The following SPNS2 variants were observed in gnomAD, a reference collection of about 807,000 sequenced individuals.
SPNS2 encodes the protein sphingosine-1-phosphate transporter SPNS2.
A neutral mutation model predicts 57.6 loss-of-function variants in SPNS2; 37 were observed. The observed-to-expected ratio is 0.64, with a 90% confidence interval of 0.49 to 0.85. The LOEUF is 0.85. Among genes scored for constraint, SPNS2 ranks in the 40% least tolerant of loss-of-function variants. SPNS2 has a pLI of 0.00. For synonymous variants in SPNS2, 440 were observed against 346.9 expected (o/e 1.27, Z -2.98); for missense variants, 831 against 779.1 (o/e 1.07, Z -0.79).
intron 9 of SPNS2, among the ~76,000 whole-genome samples, chr17:4,534,178 G>A (rs570706511): frequency 6.6e-6 from 1 of 152,268 alleles, no homozygotes; most frequent in Non-Finnish European, 1.5e-5. Flanking sequence ...TCCTCCCCCC[G>A]CTGGGTCTGA....
Position 4,530,782 on chromosome 17 carries a change from AG to A in SPNS2, c.725+1del. 1 of 1,612,256 alleles carries A rather than the reference AG, an allele frequency of 6.2e-7. No homozygotes were observed. On this transcript the variant is annotated frameshift_variant and splice_region_variant, in exon 4 of 13. Coordinates refer to ENST00000329078, the MANE Select transcript of SPNS2 (RefSeq NM_001124758.3). LOFTEE classifies it high-confidence loss of function. ...SVFYFAIPLG[S>X]GLGYITGSSV... ...CTTCTACTTCGCCATCCCACTGGGC[AG>A]GTGAGAGCCGGAGATGCCAGGGTCT...
intron 2 of SPNS2, among the ~76,000 whole-genome samples, chr17:4,515,114 A>G (rs1338245141): frequency 1.3e-5 from 2 of 152,102 alleles, no homozygotes; most frequent in Non-Finnish European, 2.9e-5. Flanking sequence ...GCTCGGCTCA[A>G]GGCAGGTGTG....
intron 1 of SPNS2, 128 bp from the exon 2 acceptor site, chr17:4,513,119 C>A (rs907042824): frequency 8.0e-6 from 8 of 1,002,274 alleles, no homozygotes; most frequent in East Asian, 2.5e-5. Flanking sequence ...GGGTAGAGGT[C>A]GCAGCAGAGC....
At chr17:4,520,105 C>T (rs913015007) in intron 2 of SPNS2, among the ~76,000 whole-genome samples, 26 of 152,220 alleles carry the variant, frequency 1.7e-4, no homozygotes, top group African/African-American at 6.3e-4. Flanking sequence ...TCTGTCATCT[C>T]GGGCAACTTC....
At chr17:4,515,431 G>C (rs969335664) in intron 2 of SPNS2, among the ~76,000 whole-genome samples, 18 of 152,166 alleles carry the variant, frequency 1.2e-4, no homozygotes, top group Admixed American at 1.1e-3. Flanking sequence ...GGGGGAGCCT[G>C]GATACCTGGC....
intron 12 of SPNS2, among the ~76,000 whole-genome samples, chr17:4,537,211 C>T (rs12451669): frequency 0.13 from 19,355 of 152,244 alleles, 1,977 homozygotes; most frequent in East Asian, 0.53. Flanking sequence ...CAGGACTGGC[C>T]AGGAACTCCT....
chr17:4,499,025 C>T lies in SPNS2; in HGVS notation c.-23C>T. On this transcript the variant is annotated 5_prime_UTR_variant, in exon 1 of 13. Coordinates refer to ENST00000329078, the MANE Select transcript of SPNS2 (RefSeq NM_001124758.3). The surrounding 1 kb of genome is among the most constrained non-coding windows in gnomAD (Gnocchi z 5.2). ...CTGGGCCCCGCGCCCCCCGCGCCCC[C>T]CGCCGCCCCGATCCGGGCCGGCATG... 4.0e-6 allele frequency: 4 copies of T among 999,620 alleles called. No homozygotes were observed. The highest frequency in any genetic ancestry group is 4.8e-6 in the Non-Finnish European group (4 of 840,788). 61.9% of individuals were successfully genotyped at this position (999,620 alleles called of 1,614,324 possible). A position where few individuals can be genotyped will look rare whatever the true frequency, so the allele number is the denominator to read the frequency against.
chr17:4,518,647 A>G (rs1359805729), intron 2 of SPNS2, among the ~76,000 whole-genome samples: 1 of 152,312 alleles, frequency 6.6e-6, no homozygotes, highest in Non-Finnish European at 1.5e-5. Context: ...TTGTAGGCTC[A>G]CGAGGAAGTG....
At chr17:4,503,915 T>C (rs1398433582) in intron 1 of SPNS2, among the ~76,000 whole-genome samples, 1 of 151,224 alleles carries the variant, frequency 6.6e-6, no homozygotes, top group Non-Finnish European at 1.5e-5. Flanking sequence ...ACTTGGGGGC[T>C]TCCCCAGAGC....
intron 3 of SPNS2, among the ~76,000 whole-genome samples, chr17:4,528,025 CTT>C (rs1889066239): frequency 1.3e-5 from 2 of 151,398 alleles, no homozygotes; most frequent in East Asian, 1.9e-4. Flanking sequence ...ATGTATGACT[CTT>C]TTCTTTTTTT....
chr17:4,532,275 CCTT>C (rs937773715), intron 5 of SPNS2, among the ~76,000 whole-genome samples: 3 of 152,190 alleles, frequency 2.0e-5, no homozygotes, highest in Non-Finnish European at 4.4e-5. Flanking sequence ...ACCCACCCCT[CCTT>C]CTTCCTTCAG....
At chr17:4,516,327 A>C (rs9674551) in intron 2 of SPNS2, among the ~76,000 whole-genome samples, 5 of 117,012 alleles carry the variant, frequency 4.3e-5, no homozygotes, top group East Asian at 4.3e-4. Flanking sequence ...AAAAAAAAAA[A>C]AAAAAAAAAA....
Position 4,538,492 on chromosome 17 carries a change from C to A in SPNS2, c.*1044C>A. 4.6e-6 allele frequency: 1 copy of A among 216,090 alleles called. No homozygotes were observed. The highest frequency in any genetic ancestry group is 1.5e-4 in the East Asian group (1 of 6,656). The allele number at this position is 216,090 out of a possible 1,614,324, so 13.4% of individuals were successfully genotyped here. A position where few individuals can be genotyped will look rare whatever the true frequency, so the allele number is the denominator to read the frequency against. On this transcript the variant is annotated 3_prime_UTR_variant, in exon 13 of 13. Transcript: ENST00000329078. ...CCCAGGGGGGGGCCAGGCCTTCGAT[C>A]ACCCACCTCCCATCCATGCACACAC...
chr17:4,533,308 C>A lies in SPNS2; in HGVS notation c.1154C>A (p.Thr385Lys). ...GGCGTGGTCACGGGGGCAGGAGCCACGCGCTGGTGCCGCCTGAAGACCCAG... is the reference window on the plus strand; with the variant it reads ...GGCGTGGTCACGGGGGCAGGAGCCAAGCGCTGGTGCCGCCTGAAGACCCAG... ...FLGVVTGAGA[T>K]RWCRLKTQRA... Residue 385 changes from threonine to lysine, a missense_variant, in exon 8 of 13, where the codon ACG becomes AAG. This residue lies in a region of SPNS2 where 526 missense variants were observed against 400.9 expected (regional missense o/e 1.31). Coordinates refer to ENST00000329078, the MANE Select transcript of SPNS2 (RefSeq NM_001124758.3). 6.2e-7 allele frequency: 1 copy of A among 1,611,644 alleles called. No individual in the cohort carries two copies. Among genetic ancestry groups the A allele is most frequent in the Non-Finnish European group, 8.5e-7 (1 of 1,179,262 alleles).
chr17:4,536,028 G>C (rs375243671), intron 9 of SPNS2, 48 bp from the exon 10 acceptor site: 5 of 1,555,534 alleles, frequency 3.2e-6, no homozygotes, highest in East Asian at 2.3e-5. Flanking sequence ...AGGGCCAAGC[G>C]CGTGAGCCTT....
intron 1 of SPNS2, among the ~76,000 whole-genome samples, chr17:4,502,533 G>A (rs1235434797): frequency 6.6e-6 from 1 of 152,184 alleles, no homozygotes; most frequent in Non-Finnish European, 1.5e-5. Flanking sequence ...CCACTAGAGT[G>A]GACAGTGCAG....
intron 2 of SPNS2, among the ~76,000 whole-genome samples, chr17:4,514,652 G>GT (rs995995368): frequency 2.0e-5 from 3 of 152,178 alleles, no homozygotes; most frequent in African/African-American, 7.2e-5. Context: ...CAGACATCAT[G>GT]TTTTCCCAGG....
intron 2 of SPNS2, among the ~76,000 whole-genome samples, chr17:4,520,172 G>GGATC (rs1316828895): frequency 1.3e-5 from 2 of 152,222 alleles, no homozygotes; most frequent in Non-Finnish European, 2.9e-5. Flanking sequence ...GACGTGGGGA[G>GGATC]GATCAGGTGA....
chr17:4,503,270 C>T (rs1159534679), intron 1 of SPNS2, among the ~76,000 whole-genome samples: 1 of 152,230 alleles, frequency 6.6e-6, no homozygotes, highest in Non-Finnish European at 1.5e-5. Context: ...CGCAGAGGCT[C>T]TGCTGGCTTA....
Sources: allele counts gnomAD v4.1 joint callset (sites outside exome capture counted in the v4.1 genomes callset), GRCh38; gene constraint gnomAD v4.1.1; regional missense constraint gnomAD v4.1.1; non-coding constraint Gnocchi (gnomAD v3.1); transcripts MANE v1.5; gene names NCBI Gene and HGNC (gene_info 2026-07-23, HGNC 2026-07-21).